The following IMPA2 variants were observed in gnomAD, a reference collection of about 807,000 sequenced individuals.
The protein encoded by IMPA2 is inositol monophosphatase 2, also known as IMP 2.
In IMPA2, 32 loss-of-function variants were observed where a neutral mutation model predicts 35.1. The observed-to-expected ratio is 0.91, with a 90% confidence interval of 0.69 to 1.23. The LOEUF (loss-of-function observed/expected upper bound fraction) is 1.23. Ranked by LOEUF, IMPA2 falls within the 50% of genes most tolerant of loss-of-function variation. IMPA2 has a pLI of 0.00. For missense variants in IMPA2, 334 were observed against 387.6 expected (o/e 0.86, Z 1.16); for synonymous variants, 135 against 160.6 (o/e 0.84, Z 1.20).
chr18:12,008,379 A>G lies in IMPA2; in HGVS notation c.231-1504A>G. On this transcript the variant is annotated intron_variant, in intron 2 of 7. Coordinates refer to ENST00000269159, the MANE Select transcript of IMPA2 (RefSeq NM_014214.3). ...CATGTGAACCCGGCACAGGAACTGG[A>G]TAGAAAACCTCTCGGCAAGGCCACA... is the stretch of plus-strand genomic sequence containing the variant. The G allele has an allele frequency of 3.9e-6, 2 of 518,946 alleles. 1 individual carries two copies. Among genetic ancestry groups the G allele is most frequent in the South Asian group, 2.8e-5 (2 of 71,562 alleles). 32.1% of individuals were successfully genotyped at this position (518,946 alleles called of 1,614,324 possible). A position where few individuals can be genotyped will look rare whatever the true frequency, so the allele number is the denominator to read the frequency against.
intron 4 of IMPA2, among the ~76,000 whole-genome samples, chr18:12,013,876 A>G (rs961619842): frequency 2.0e-5 from 3 of 152,144 alleles, no homozygotes; most frequent in Non-Finnish European, 2.9e-5. Flanking sequence ...CACATCAGCA[A>G]TTTTGAGGAT....
At chr18:12,009,730 T>A (rs1483123204) in intron 2 of IMPA2, among the ~76,000 whole-genome samples, 153 bp from the exon 3 acceptor site, 1 of 152,190 alleles carries the variant, frequency 6.6e-6, no homozygotes, top group Non-Finnish European at 1.5e-5. Context: ...AAGCACATGG[T>A]TGTTTAAAGA....
At chr18:12,003,101 A>G (rs9955803) in intron 2 of IMPA2, among the ~76,000 whole-genome samples, 64,297 of 151,772 alleles carry the variant, frequency 0.42, 15,917 homozygotes, top group African/African-American at 0.66. Flanking sequence ...AGGCTGAGGC[A>G]GGAGAATCGC....
chr18:11,984,756 A>G (rs1906608458), intron 1 of IMPA2, among the ~76,000 whole-genome samples: 1 of 151,952 alleles, frequency 6.6e-6, no homozygotes, highest in Non-Finnish European at 1.5e-5. Context: ...TCACAAGGTC[A>G]GGAGATCAAG....
intron 2 of IMPA2, among the ~76,000 whole-genome samples, chr18:12,006,828 C>T (rs1353656158): frequency 2.6e-5 from 4 of 152,092 alleles, no homozygotes; most frequent in African/African-American, 9.7e-5. Context: ...TGGCAGCTCC[C>T]GTGCATAGAA....
intron 1 of IMPA2, among the ~76,000 whole-genome samples, chr18:11,988,816 C>G (rs1221343909): frequency 6.6e-6 from 1 of 152,012 alleles, no homozygotes; most frequent in Non-Finnish European, 1.5e-5. Flanking sequence ...AGGTTAAGCT[C>G]GAATTGCCAG....
In IMPA2 at chr18:12,010,177, C is replaced by T. The variant is rs1299908056; in HGVS notation, c.335+190C>T. The T allele has an allele frequency of 1.9e-6, 1 of 513,052 alleles. No homozygotes were observed. The highest frequency in any genetic ancestry group is 2.0e-5 in the African/African-American group (1 of 50,794). 31.8% of individuals were successfully genotyped at this position (513,052 alleles called of 1,614,324 possible). A position where few individuals can be genotyped will look rare whatever the true frequency, so the allele number is the denominator to read the frequency against. On this transcript the variant is annotated intron_variant, in intron 3 of 7. Transcript: ENST00000269159. This position sits in a 1 kb window ranked among gnomAD's most constrained non-coding sequence, Gnocchi z 4.8. ...TAAGGTTTTCCGTTTGTGAGAGGCT[C>T]TTGGAGTATGTTAGGAAATCTGCAC...
At chr18:12,022,478 G>T (rs1425102643) in intron 5 of IMPA2, among the ~76,000 whole-genome samples, 3 of 143,010 alleles carry the variant, frequency 2.1e-5, no homozygotes, top group Non-Finnish European at 4.5e-5. Context: ...AGCCAAGATC[G>T]CACCACTGCA....
chr18:12,026,339 G>A (rs1907882392), intron 5 of IMPA2, among the ~76,000 whole-genome samples: 2 of 152,298 alleles, frequency 1.3e-5, no homozygotes, highest in South Asian at 4.1e-4. Flanking sequence ...GACCAAAAGA[G>A]CATTTCTAAC....
intron 1 of IMPA2, among the ~76,000 whole-genome samples, chr18:11,982,026 A>C (rs897861502): frequency 6.6e-6 from 1 of 152,208 alleles, no homozygotes; most frequent in Non-Finnish European, 1.5e-5. Context: ...TTTGCGTTTG[A>C]GTGAGTGGTC....
intron 5 of IMPA2, among the ~76,000 whole-genome samples, chr18:12,020,951 A>G (rs1178239824): frequency 8.1e-6 from 1 of 122,854 alleles, no homozygotes; most frequent in East Asian, 2.7e-4. Flanking sequence ...GGATTCAACC[A>G]TAGTTCTTTT....
At chr18:12,006,984 A>T (rs983053673) in intron 2 of IMPA2, among the ~76,000 whole-genome samples, 6 of 152,194 alleles carry the variant, frequency 3.9e-5, no homozygotes, top group African/African-American at 1.4e-4. Context: ...AAAAAAAATT[A>T]GCCAGGCGTG....
At chr18:11,996,178 T>G (rs962548893) in intron 1 of IMPA2, among the ~76,000 whole-genome samples, 4 of 151,880 alleles carry the variant, frequency 2.6e-5, no homozygotes, top group African/African-American at 9.7e-5. Flanking sequence ...CAGAAACAGA[T>G]TTGGTTAGGA....
intron 1 of IMPA2, among the ~76,000 whole-genome samples, chr18:11,982,247 A>C (rs1301905800): frequency 6.6e-6 from 1 of 152,194 alleles, no homozygotes; most frequent in African/African-American, 2.4e-5. Flanking sequence ...CGCGACGGCC[A>C]CGGACTCAGA....
rs960490989 is a variant in IMPA2 at position 12,028,396 on chromosome 18, A to T, written c.599+245A>T. 5 of 518,022 alleles carry T rather than the reference A, an allele frequency of 9.7e-6. No homozygotes were observed. The Admixed American group carries it at 1.6e-4, about 17-fold the overall frequency. 32.1% of individuals were successfully genotyped at this position (518,022 alleles called of 1,614,324 possible). Reference sequence around the variant, plus strand: ...GATCAGAATCCATGGAACTGACCTCATGCTGCTCAACCAGCGAATGGTGCA... The same window carrying T: ...GATCAGAATCCATGGAACTGACCTCTTGCTGCTCAACCAGCGAATGGTGCA... On this transcript the variant is annotated intron_variant, in intron 6 of 7. Coordinates refer to ENST00000269159, the MANE Select transcript of IMPA2 (RefSeq NM_014214.3).
rs145222179 is a variant in IMPA2 at position 11,983,989 on chromosome 18, C to G, written c.96+2224C>G. Reference sequence around the variant, plus strand: ...AAGTCGCAGGGCCCCCAGATGCTCACCCTTCACTAGCACCCAGCATTCTAC... The same window carrying G: ...AAGTCGCAGGGCCCCCAGATGCTCAGCCTTCACTAGCACCCAGCATTCTAC... On this transcript the variant is annotated intron_variant, in intron 1 of 7. Transcript: ENST00000269159. Among the ~76,000 whole-genome samples the G allele has an allele frequency of 6.0e-4, 91 of 152,264 alleles. No homozygotes were observed. The East Asian group carries it at 0.013, about 22-fold the overall frequency.
chr18:11,990,624 C>G (rs1906786016), intron 1 of IMPA2, among the ~76,000 whole-genome samples: 1 of 152,100 alleles, frequency 6.6e-6, no homozygotes, highest in African/African-American at 2.4e-5. Flanking sequence ...TTGGGGTGGA[C>G]TTGATGAGTC....
In IMPA2 at chr18:12,003,017, A is replaced by C. The variant is rs1029202611; in HGVS notation, c.230+3830A>C. Among the ~76,000 whole-genome samples, 4 of 151,002 alleles carry C rather than the reference A, an allele frequency of 2.6e-5. No homozygotes were observed. In the East Asian group the frequency reaches 8.0e-4, roughly 30 times the overall value. On this transcript the variant is annotated intron_variant, in intron 2 of 7. Transcript: ENST00000269159. ...AGACCAGCCTGGCCAACATGGTGAA[A>C]CCCCCATCTCTACTAAAAATACAAA...
chr18:11,988,532 G>A (rs1248825158), intron 1 of IMPA2, among the ~76,000 whole-genome samples: 12 of 152,116 alleles, frequency 7.9e-5, no homozygotes, highest in Non-Finnish European at 1.0e-4. Context: ...GGGACACTAG[G>A]GAGACCAGAA....
Sources: gnomAD v4.1 joint callset for allele counts (sites outside exome capture counted in the v4.1 genomes callset) on GRCh38, gnomAD v4.1.1 for gene constraint, Gnocchi (gnomAD v3.1) non-coding constraint, MANE v1.5 for transcripts, NCBI Gene and HGNC (gene_info 2026-07-23, HGNC 2026-07-21) for gene names.